UNC13C: variants seen among roughly 807,000 people sequenced by gnomAD.
The protein encoded by UNC13C is protein unc-13 homolog C.
Under a neutral mutation model 245.4 loss-of-function variants are expected in UNC13C, and 174 were observed. That is an observed-to-expected ratio of 0.71 (90% confidence interval 0.63 to 0.80). The LOEUF (loss-of-function observed/expected upper bound fraction) is 0.80, where lower values mean the gene tolerates loss of function less well. Among genes scored for constraint, UNC13C ranks in the 30% least tolerant of loss-of-function variants. The probability of loss-of-function intolerance (pLI) is 0.00; values close to 1 mark genes in which losing one functional copy is unlikely to be tolerated. For synonymous variants in UNC13C, 992 were observed against 895.1 expected (o/e 1.11, Z -1.93); for missense variants, 2,829 against 2,602.9 (o/e 1.09, Z -1.89).
chr15:54,322,131 A>C, intron 14 of UNC13C, 36 bp downstream of exon 14: 3 of 1,497,886 alleles, frequency 2.0e-6, no homozygotes, highest in Non-Finnish European at 1.8e-6. Flanking sequence ...AATTCCTAGC[A>C]GCTTATGGGA....
At chr15:54,058,877 T>C (rs374018839) in intron 2 of UNC13C, among the ~76,000 whole-genome samples, 1 of 152,150 alleles carries the variant, frequency 6.6e-6, no homozygotes, top group Non-Finnish European at 1.5e-5. Flanking sequence ...ATTATCTCGA[T>C]AGATGCAGAA....
At chr15:53,895,705 C>T in the UNC13C span, among the ~76,000 whole-genome samples, 164 of 152,098 alleles carry the variant, frequency 1.1e-3, no homozygotes, top group African/African-American at 2.9e-3. Flanking sequence ...GCATTACAGA[C>T]GAGAAGGATT....
chr15:54,195,728 A>G (rs767256230), intron 4 of UNC13C, among the ~76,000 whole-genome samples: 5 of 152,096 alleles, frequency 3.3e-5, no homozygotes, highest in Non-Finnish European at 5.9e-5. Flanking sequence ...TGTTTAGCAA[A>G]GTGGTTTTGT....
At position 54,269,675 on chromosome 15, in the gene UNC13C, TAAA is replaced by T. The variant is rs561144202; in HGVS notation, c.3818+4181_3818+4183del. On this transcript the variant is annotated intron_variant, in intron 10 of 32. Transcript: ENST00000260323. ...TAGTGCTTGTTCCCACCAGACTGGC[TAAA>T]ATGCATCATAGTTCATGGGGAAAGT... 1.5e-4 allele frequency among the ~76,000 whole-genome samples: 23 copies of T among 152,220 alleles called. No homozygotes were observed. In the South Asian group the frequency reaches 4.1e-3, roughly 27 times the overall value.
chr15:54,423,076 A>G (rs1400120187), intron 19 of UNC13C, among the ~76,000 whole-genome samples: 1 of 151,810 alleles, frequency 6.6e-6, no homozygotes, highest in South Asian at 2.1e-4. Flanking sequence ...TACATTATAT[A>G]TATCTGTATA....
intron 2 of UNC13C, among the ~76,000 whole-genome samples, chr15:54,122,691 G>C (rs1164339407): frequency 6.6e-6 from 1 of 151,948 alleles, no homozygotes; most frequent in African/African-American, 2.4e-5. Context: ...ATCAAGTTTT[G>C]CTTGATCTTG....
At chr15:54,080,900 G>C (rs756085931) in intron 2 of UNC13C, among the ~76,000 whole-genome samples, 3 of 151,788 alleles carry the variant, frequency 2.0e-5, no homozygotes, top group Non-Finnish European at 2.9e-5. Context: ...TGCAGCATTA[G>C]GTTGTTAATT....
chr15:54,438,083 G>C (rs1231030623), intron 19 of UNC13C, among the ~76,000 whole-genome samples: 1 of 151,688 alleles, frequency 6.6e-6, no homozygotes, highest in Non-Finnish European at 1.5e-5. Context: ...CAACATATTT[G>C]GTGAGGTTAC....
At chr15:54,314,118 C>A (rs1457676654) in intron 13 of UNC13C, among the ~76,000 whole-genome samples, 4 of 150,016 alleles carry the variant, frequency 2.7e-5, no homozygotes, top group Non-Finnish European at 4.4e-5. Flanking sequence ...AAATAAAGAG[C>A]GGAATGGTGA....
chr15:54,290,964 T>TGA (rs2037281583), intron 10 of UNC13C, among the ~76,000 whole-genome samples: 1 of 152,056 alleles, frequency 6.6e-6, no homozygotes, highest in East Asian at 1.9e-4. Context: ...TGCAATGTAT[T>TGA]GAGAGTTAAG....
chr15:54,213,954 T>A (rs2034962927), intron 4 of UNC13C, among the ~76,000 whole-genome samples: 2 of 151,968 alleles, frequency 1.3e-5, no homozygotes, highest in South Asian at 4.1e-4. Flanking sequence ...CAGACGGAGC[T>A]ACCAAGGGAG....
At chr15:53,956,218 G>T in the UNC13C span, among the ~76,000 whole-genome samples, 1 of 152,084 alleles carries the variant, frequency 6.6e-6, no homozygotes, top group Admixed American at 6.6e-5. Flanking sequence ...ATTAACTATT[G>T]GGTACTATGG....
intron 18 of UNC13C, among the ~76,000 whole-genome samples, chr15:54,402,721 C>T (rs2040212057): frequency 1.3e-5 from 2 of 152,092 alleles, no homozygotes; most frequent in African/African-American, 4.8e-5. Context: ...AGAGGACTAA[C>T]TTACGCAAAA....
At chr15:54,312,147 C>A (rs998658570) in intron 13 of UNC13C, among the ~76,000 whole-genome samples, 3 of 151,610 alleles carry the variant, frequency 2.0e-5, no homozygotes, top group African/African-American at 7.3e-5. Flanking sequence ...TCATATTCAG[C>A]AGTATTTCCT....
chr15:54,616,901 G>C (rs1900474877), intron 30 of UNC13C, among the ~76,000 whole-genome samples: 1 of 151,850 alleles, frequency 6.6e-6, no homozygotes, highest in African/African-American at 2.4e-5. Flanking sequence ...TAGGTGTCTT[G>C]TTTTTATGTT....
intron 2 of UNC13C, among the ~76,000 whole-genome samples, chr15:54,027,737 C>T (rs565424985): frequency 4.1e-4 from 62 of 151,802 alleles, no homozygotes; most frequent in African/African-American, 1.4e-3. Context: ...CAGGGTTGTC[C>T]TCCTTAGCAG....
the UNC13C span, among the ~76,000 whole-genome samples, chr15:53,908,428 G>A: frequency 1.4e-5 from 2 of 146,034 alleles, no homozygotes; most frequent in African/African-American, 4.9e-5. Flanking sequence ...AGGCTAGCAG[G>A]ATACAACCCT....
chr15:54,014,577 G>C lies in UNC13C; in HGVS notation c.1674G>C (p.Gln558His). ...RSESDFSKLCQSYSEDFSENQ... is the reference protein window; with the variant it reads ...RSESDFSKLCHSYSEDFSENQ... ...AATCAGATTTTTCCAAATTGTGTCA[G>C]TCTTACTCAGAAGATTTTTCAGAAA... is the stretch of plus-strand genomic sequence containing the variant. Residue 558 changes from glutamine to histidine, a missense_variant, in exon 2 of 33, where the codon CAG (glutamine) becomes CAC (histidine). Physicochemically the swap from Gln to His is conservative, Grantham distance 24 (BLOSUM62 0). Coordinates refer to ENST00000260323, the MANE Select transcript of UNC13C (RefSeq NM_001080534.3). 6.2e-7 allele frequency: 1 copy of C among 1,613,710 alleles called. No individual in the cohort carries two copies.
At chr15:54,357,121 C>G (rs1162806399) in intron 17 of UNC13C, among the ~76,000 whole-genome samples, 1 of 151,806 alleles carries the variant, frequency 6.6e-6, no homozygotes, top group Non-Finnish European at 1.5e-5. Flanking sequence ...ACTACAGTCC[C>G]CACTTTGAGA....
Sources: gnomAD v4.1 joint callset for allele counts (sites outside exome capture counted in the v4.1 genomes callset) on GRCh38, gnomAD v4.1.1 for gene constraint, MANE v1.5 for transcripts, NCBI Gene and HGNC (gene_info 2026-07-23, HGNC 2026-07-21) for gene names.